The following IFRD1 variants were observed in gnomAD, a reference collection of about 807,000 sequenced individuals.
IFRD1 encodes interferon-related developmental regulator 1.
In IFRD1, 35 loss-of-function variants were observed where a neutral mutation model predicts 52.9. That is an observed-to-expected ratio of 0.66 (90% confidence interval 0.51 to 0.88). The LOEUF (loss-of-function observed/expected upper bound fraction) is 0.88, where lower values mean the gene tolerates loss of function less well. Among genes scored for constraint, IFRD1 ranks in the 40% least tolerant of loss-of-function variants. IFRD1 has a pLI of 0.00. For synonymous variants in IFRD1, 184 were observed against 188.4 expected, an observed-to-expected ratio of 0.98 and a Z score of 0.19; for missense variants, 517 against 550.8, an observed-to-expected ratio of 0.94 and a Z score of 0.61.
rs572379369 is a variant in IFRD1 at position 112,423,832 on chromosome 7, A to G, written c.-182+400A>G. On this transcript the variant is annotated intron_variant, in intron 1 of 12. Transcript: ENST00000005558. ...GCTTTGTTATCTCCATTTTTCATAT[A>G]TGTGTTCCGTGGATTTATCATGTAC... is the stretch of plus-strand genomic sequence containing the variant. Among the ~76,000 whole-genome samples the G allele has an allele frequency of 2.0e-4, 30 of 152,162 alleles. 1 individual carries two copies. The South Asian group carries it at 6.2e-3, about 32-fold the overall frequency.
At chr7:112,436,682 G>A (rs1277323286) in intron 1 of IFRD1, among the ~76,000 whole-genome samples, 1 of 151,800 alleles carries the variant, frequency 6.6e-6, no homozygotes, top group Non-Finnish European at 1.5e-5. Flanking sequence ...GCTAGAGGGT[G>A]GCCATGAAAT....
At chr7:112,451,015 G>A (rs1011610179) in intron 1 of IFRD1, 2 of 566,520 alleles carry the variant, frequency 3.5e-6, no homozygotes, top group East Asian at 3.0e-5. Flanking sequence ...GGGGCAGGGA[G>A]GAACGGGTCC....
At chr7:112,428,138 A>C (rs1197770565) in intron 1 of IFRD1, among the ~76,000 whole-genome samples, 2 of 152,226 alleles carry the variant, frequency 1.3e-5, no homozygotes, top group African/African-American at 4.8e-5. Context: ...AAAACTTTCA[A>C]GGCATTTGCC....
intron 1 of IFRD1, chr7:112,452,045 G>A (rs780959781): frequency 1.5e-4 from 144 of 980,326 alleles, no homozygotes; most frequent in Non-Finnish European, 1.5e-4. Context: ...ACATTTTTTA[G>A]GTGCCTCTTT....
chr7:112,425,636 C>A (rs763481621), intron 1 of IFRD1, among the ~76,000 whole-genome samples: 1 of 152,152 alleles, frequency 6.6e-6, no homozygotes, highest in Non-Finnish European at 1.5e-5. Context: ...GCCACACTAC[C>A]AGCTCTCTGG....
At position 112,476,856 on chromosome 7, in the gene IFRD1, C is replaced by G. The variant is rs1234826349; in HGVS notation, c.*1337C>G. ...CGTGAGGGGTAGGGAAGCATATATA[C>G]TGTAGGGAGAAGTATCAAAATCATT... On this transcript the variant is annotated 3_prime_UTR_variant, in exon 12 of 12. Coordinates refer to ENST00000403825, the MANE Select transcript of IFRD1 (RefSeq NM_001550.4). 6.6e-6 allele frequency: 1 copy of G among 152,126 alleles called. No homozygotes were observed. Among genetic ancestry groups the G allele is most frequent in the East Asian group, 1.9e-4 (1 of 5,200 alleles). 9.4% of individuals were successfully genotyped at this position (152,126 alleles called of 1,614,324 possible).
chr7:112,459,150 G>T, intron 5 of IFRD1, 132 bp downstream of exon 5: 1 of 751,000 alleles, frequency 1.3e-6, no homozygotes, highest in Non-Finnish European at 2.3e-6. Context: ...GGAGTTTGAG[G>T]CAGCGGTGAG....
At position 112,476,187 on chromosome 7, in the gene IFRD1, C is replaced by A. The variant is rs1469702131; in HGVS notation, c.*668C>A. 3.3e-5 allele frequency: 5 copies of A among 152,234 alleles called. No homozygotes were observed. Among genetic ancestry groups the A allele is most frequent in the African/African-American group, 4.8e-5 (2 of 41,438 alleles). 9.4% of individuals were successfully genotyped at this position (152,234 alleles called of 1,614,324 possible). ...TTTGAAATAAAGATTTTTTTCCACA[C>A]TGAAAGTGCTTCTCTTCTAATAGAA... On this transcript the variant is annotated 3_prime_UTR_variant, in exon 12 of 12. Transcript: ENST00000403825.
intron 1 of IFRD1, among the ~76,000 whole-genome samples, chr7:112,453,197 T>C (rs1479350848): frequency 6.6e-6 from 1 of 151,904 alleles, no homozygotes; most frequent in Non-Finnish European, 1.5e-5. Flanking sequence ...AAACTCTTTA[T>C]TTTTTTTATG....
chr7:112,457,072 A>G lies in IFRD1; in HGVS notation c.409+34A>G, dbSNP rs552367277. The G allele has an allele frequency of 2.5e-6, 4 of 1,605,674 alleles. No individual in the cohort carries two copies. The Admixed American group carries it at 6.7e-5, about 27-fold the overall frequency. Reference sequence around the variant, plus strand: ...CTTATTTTTGAGTCACAGACGTACAACTAATAAGGAGTGTGTTATCTTCTT... The same window carrying G: ...CTTATTTTTGAGTCACAGACGTACAGCTAATAAGGAGTGTGTTATCTTCTT... On this transcript the variant is annotated intron_variant, in intron 4 of 11. Transcript: ENST00000403825.
chr7:112,439,185 C>A (rs1794799622), intron 1 of IFRD1, among the ~76,000 whole-genome samples: 1 of 152,158 alleles, frequency 6.6e-6, no homozygotes, highest in South Asian at 2.1e-4. Context: ...GGACAGAATT[C>A]TGTGGAGGCG....
chr7:112,450,137 G>A (rs3109110), upstream of IFRD1: 4,445 of 160,984 alleles, frequency 0.028, 225 homozygotes, highest in African/African-American at 0.099. Context: ...GTTCCAAGGC[G>A]GGGGCGCGCC....
chr7:112,471,170 C>G (rs574949811), intron 9 of IFRD1, among the ~76,000 whole-genome samples: 1 of 152,234 alleles, frequency 6.6e-6, no homozygotes, highest in South Asian at 2.1e-4. Flanking sequence ...GCTGCTGTTA[C>G]GCACCAGACG....
intron 1 of IFRD1, among the ~76,000 whole-genome samples, chr7:112,441,227 A>G (rs573891205): frequency 3.7e-4 from 56 of 152,222 alleles, no homozygotes; most frequent in Non-Finnish European, 6.5e-4. Context: ...GTGAGCCAAC[A>G]CCACGCCACT....
At chr7:112,467,706 G>A (rs1318274235) in intron 8 of IFRD1, 1 of 414,048 alleles carries the variant, frequency 2.4e-6, no homozygotes, top group Non-Finnish European at 4.5e-6. Context: ...TCTTATATAT[G>A]GTGGGAACAC....
chr7:112,435,876 C>CTT (rs61293743), intron 1 of IFRD1, among the ~76,000 whole-genome samples: 8 of 141,862 alleles, frequency 5.6e-5, no homozygotes, highest in Admixed American at 3.5e-4. Context: ...TTTTTTCTCT[C>CTT]TTTTTTTTTT....
Position 112,455,841 on chromosome 7 carries a change from G to A in IFRD1, c.173G>A (p.Ser58Asn). The A allele has an allele frequency of 1.9e-6, 3 of 1,611,746 alleles. No individual in the cohort carries two copies. The highest frequency in any genetic ancestry group is 2.5e-6 in the Non-Finnish European group (3 of 1,177,870). Residue 58 changes from serine (S) to asparagine (N), a missense_variant, in exon 2 of 12, where the codon AGC becomes AAC. Transcript: ENST00000403825. Reference sequence around the variant, plus strand: ...ACAATGAGCCATTGCAGTGGTTATAGCGATCCTTCCAGTTTTGCTGAAGAT... The same window carrying A: ...ACAATGAGCCATTGCAGTGGTTATAACGATCCTTCCAGTTTTGCTGAAGAT... ...IETMSHCSGYSDPSSFAEDGP... is the reference protein window; with the variant it reads ...IETMSHCSGYNDPSSFAEDGP...
At chr7:112,462,868 TC>T (rs1795477980) in intron 8 of IFRD1, among the ~76,000 whole-genome samples, 1 of 152,206 alleles carries the variant, frequency 6.6e-6, no homozygotes, top group Non-Finnish European at 1.5e-5. Context: ...AGTTACCCAT[TC>T]ACTTGTCCAC....
chr7:112,436,073 G>C (rs1032401287), intron 1 of IFRD1, among the ~76,000 whole-genome samples: 4 of 151,698 alleles, frequency 2.6e-5, no homozygotes. Flanking sequence ...AGTAGGGATG[G>C]GATTTCACCA....
Sources: gnomAD v4.1 joint callset for allele counts (sites outside exome capture counted in the v4.1 genomes callset) on GRCh38, gnomAD v4.1.1 for gene constraint, MANE v1.5 for transcripts, NCBI Gene and HGNC (gene_info 2026-07-23, HGNC 2026-07-21) for gene names.